The following ITGA9 variants were observed in gnomAD, a reference collection of about 807,000 sequenced individuals.
ITGA9 encodes integrin subunit alpha 9, also known as integrin alpha-9.
Under a neutral mutation model 127.8 loss-of-function variants are expected in ITGA9, and 56 were observed. That is an observed-to-expected ratio of 0.44 (90% CI 0.35 to 0.55). The LOEUF is 0.55. Ranked by LOEUF, ITGA9 falls within the 20% of genes least tolerant of loss-of-function variation. The pLI is 0.00. For synonymous variants in ITGA9, 508 were observed against 514.5 expected (o/e 0.99, Z 0.17); for missense variants, 1,196 against 1,347.1 (o/e 0.89, Z 1.76).
intron 18 of ITGA9, among the ~76,000 whole-genome samples, chr3:37,699,064 C>T (rs1419228854): frequency 6.6e-6 from 1 of 152,212 alleles, no homozygotes; most frequent in East Asian, 1.9e-4. Flanking sequence ...ACTCGCCACT[C>T]CTTTTCTGCT....
intron 6 of ITGA9, 111 bp downstream of exon 6, chr3:37,503,418 CTGT>C (rs1698808491): frequency 8.2e-7 from 1 of 1,222,352 alleles, no homozygotes; most frequent in Non-Finnish European, 1.2e-6. Flanking sequence ...GCTTTGACGC[CTGT>C]TGTTCTAATG....
At chr3:37,573,064 T>A (rs969980473) in intron 15 of ITGA9, 1 of 152,202 alleles carries the variant, frequency 6.6e-6, no homozygotes, top group Non-Finnish European at 1.5e-5. Context: ...TTACAGTTTG[T>A]ACAGTGGAGA....
chr3:37,807,326 T>C (rs1575247420), intron 27 of ITGA9: 1 of 152,260 alleles, frequency 6.6e-6, no homozygotes, highest in East Asian at 1.9e-4. Flanking sequence ...ATTTCATAAA[T>C]GAGGTGTCAT....
chr3:37,538,882 G>A (rs961246118), intron 14 of ITGA9, among the ~76,000 whole-genome samples: 4 of 152,240 alleles, frequency 2.6e-5, no homozygotes, highest in African/African-American at 7.2e-5. Flanking sequence ...GTACTAATTA[G>A]GCAGTTCTAG....
In ITGA9 at chr3:37,722,734, A is replaced by G. The variant is rs989242409; in HGVS notation, c.2068-9978A>G. Among the ~76,000 whole-genome samples the G allele has an allele frequency of 3.4e-4, 51 of 152,164 alleles. 3 individuals are homozygous for G. On this transcript the variant is annotated intron_variant, in intron 18 of 27. Coordinates refer to ENST00000264741, the MANE Select transcript of ITGA9 (RefSeq NM_002207.3). Reference sequence around the variant, plus strand: ...TCATTCATCAGTTGCTGGACATTAGATTGTTTCCAGTTTTTGGCTATTACA... The same window carrying G: ...TCATTCATCAGTTGCTGGACATTAGGTTGTTTCCAGTTTTTGGCTATTACA...
intron 26 of ITGA9, among the ~76,000 whole-genome samples, chr3:37,796,930 G>C (rs986804673): frequency 1.3e-5 from 2 of 152,116 alleles, no homozygotes; most frequent in Non-Finnish European, 2.9e-5. Flanking sequence ...ACCTAGAACT[G>C]GGACTCTGAA....
intron 15 of ITGA9, among the ~76,000 whole-genome samples, chr3:37,615,760 G>A (rs1700068117): frequency 6.6e-6 from 1 of 152,176 alleles, no homozygotes; most frequent in African/African-American, 2.4e-5. Context: ...GCGTAGAGGT[G>A]TTTATAGTAT....
chr3:37,723,619 C>T lies in ITGA9; in HGVS notation c.2068-9093C>T, dbSNP rs931842149. On this transcript the variant is annotated intron_variant, in intron 18 of 27. Coordinates refer to ENST00000264741, the MANE Select transcript of ITGA9 (RefSeq NM_002207.3). ...CCAAGTGATCCACCTGCCTTGGCCT[C>T]CCAAGGTGCTGGGATTACAGGCATG... is the stretch of plus-strand genomic sequence containing the variant. 2.6e-5 allele frequency among the ~76,000 whole-genome samples: 4 copies of T among 152,190 alleles called. No homozygotes were observed. In the South Asian group the frequency reaches 8.3e-4, roughly 31 times the overall value.
At chr3:37,630,447 G>A (rs1351888598) in intron 16 of ITGA9, among the ~76,000 whole-genome samples, 1 of 152,326 alleles carries the variant, frequency 6.6e-6, no homozygotes, top group East Asian at 1.9e-4. Flanking sequence ...GATAAAGTCT[G>A]GCTGAGGGAC....
At chr3:37,638,655 A>G (rs1184729542) in intron 16 of ITGA9, among the ~76,000 whole-genome samples, 1 of 152,160 alleles carries the variant, frequency 6.6e-6, no homozygotes, top group Non-Finnish European at 1.5e-5. Context: ...GTTGCCAGAT[A>G]ACATTAGGGT....
chr3:37,744,340 T>G (rs535525655), intron 22 of ITGA9, among the ~76,000 whole-genome samples: 1 of 152,272 alleles, frequency 6.6e-6, no homozygotes, highest in South Asian at 2.1e-4. Context: ...GATGACCCCA[T>G]GAGGACCCCT....
At chr3:37,775,090 C>G (rs1696890843) in intron 23 of ITGA9, among the ~76,000 whole-genome samples, 1 of 152,170 alleles carries the variant, frequency 6.6e-6, no homozygotes. Context: ...AACAGACAAC[C>G]TACAGAATGG....
intron 27 of ITGA9, among the ~76,000 whole-genome samples, chr3:37,809,715 G>A (rs187325221): frequency 1.3e-5 from 2 of 152,274 alleles, no homozygotes; most frequent in East Asian, 3.9e-4. Flanking sequence ...CAATTGAAAT[G>A]TAGGATTATT....
intron 15 of ITGA9, among the ~76,000 whole-genome samples, chr3:37,618,816 C>T (rs1187592233): frequency 1.3e-5 from 2 of 152,194 alleles, no homozygotes; most frequent in Non-Finnish European, 2.9e-5. Flanking sequence ...TGGAAAAGCG[C>T]AGTATTAGGG....
intron 19 of ITGA9, 85 bp from the exon 20 acceptor site, chr3:37,736,819 G>C: frequency 1.1e-6 from 1 of 884,654 alleles, no homozygotes; most frequent in Non-Finnish European, 1.9e-6. Flanking sequence ...TGAGCTTCCA[G>C]AGGTCATAAA....
intron 15 of ITGA9, among the ~76,000 whole-genome samples, chr3:37,627,253 G>T (rs989013153): frequency 3.3e-5 from 5 of 152,130 alleles, no homozygotes; most frequent in Admixed American, 1.3e-4. Flanking sequence ...AGTCACTCGG[G>T]CTCCCACCCC....
In ITGA9 at chr3:37,743,873, A is replaced by G. The variant is rs965643799; in HGVS notation, c.2325-53A>G. ...TTTGCTTCTCAGAATGGCAGTGACC[A>G]TGGGTGCTTGACTGTGGGTGGGGAT... On this transcript the variant is annotated intron_variant, in intron 21 of 27. Transcript: ENST00000264741. 67 of 1,193,662 alleles carry G rather than the reference A, an allele frequency of 5.6e-5. No homozygotes were observed. The Admixed American group carries it at 8.4e-4, about 15-fold the overall frequency. The allele number at this position is 1,193,662 out of a possible 1,614,324, so 73.9% of individuals were successfully genotyped here.
chr3:37,816,927 C>T lies in ITGA9; in HGVS notation c.3010-1964C>T, dbSNP rs566204700. ...TATCGACTTCCCCTCACGGTGAATG[C>T]TCAGGATCTCCTTGGCAACGTGGGT... On this transcript the variant is annotated intron_variant, in intron 27 of 27. Coordinates refer to ENST00000264741, the MANE Select transcript of ITGA9 (RefSeq NM_002207.3). 6.2e-4 allele frequency among the ~76,000 whole-genome samples: 94 copies of T among 152,322 alleles called. 2 individuals carry two copies. Among genetic ancestry groups the T allele is most frequent in the African/African-American group, 4.1e-4 (17 of 41,584 alleles).
chr3:37,817,428 T>C (rs898306079), intron 27 of ITGA9, among the ~76,000 whole-genome samples: 4 of 152,146 alleles, frequency 2.6e-5, no homozygotes, highest in Admixed American at 2.6e-4. Context: ...AGTCATTTAT[T>C]TGGAAGGTGA....
Sources: allele counts gnomAD v4.1 joint callset (sites outside exome capture counted in the v4.1 genomes callset), GRCh38; gene constraint gnomAD v4.1.1; transcripts MANE v1.5; gene names NCBI Gene and HGNC (gene_info 2026-07-23, HGNC 2026-07-21).